Variants in FRMD6 observed in about 807,000 individuals in gnomAD.
FRMD6 encodes the protein FERM domain containing 6.
In FRMD6, 37 loss-of-function variants were observed where a neutral mutation model predicts 73.2. That is an observed-to-expected ratio of 0.51 (90% CI 0.39 to 0.66). The LOEUF (loss-of-function observed/expected upper bound fraction) is 0.66, where lower values mean the gene tolerates loss of function less well. Among genes scored for constraint, FRMD6 ranks in the 30% least tolerant of loss-of-function variants. The probability of loss-of-function intolerance (pLI) is 0.00; values close to 1 mark genes in which losing one functional copy is unlikely to be tolerated. For missense variants in FRMD6, 714 were observed against 780.5 expected (o/e 0.91, Z 1.02); for synonymous variants, 273 against 282.2 (o/e 0.97, Z 0.33).
chr14:51,487,886 A>G (rs1838103566), upstream of FRMD6, among the ~76,000 whole-genome samples: 1 of 152,306 alleles, frequency 6.6e-6, no homozygotes, highest in South Asian at 2.1e-4. Context: ...GTAGGAAGAA[A>G]TTCATATTAG....
At chr14:51,459,722 G>A in the FRMD6 span, among the ~76,000 whole-genome samples, 1 of 150,392 alleles carries the variant, frequency 6.6e-6, no homozygotes, top group Admixed American at 6.6e-5. Flanking sequence ...AGCTGCTCGG[G>A]AGGCTGAGGC....
the FRMD6 span, among the ~76,000 whole-genome samples, chr14:51,432,584 A>G: frequency 6.6e-6 from 1 of 152,116 alleles, no homozygotes; most frequent in Admixed American, 6.6e-5. Flanking sequence ...TTAATTGTTA[A>G]CTTTGTGATT....
Position 51,550,586 on chromosome 14 carries a change from C to CT in FRMD6, c.-209-19762_-209-19761insT, listed in dbSNP as rs781577627. Among the ~76,000 whole-genome samples the CT allele has an allele frequency of 9.8e-3, 1,479 of 151,054 alleles. 10 individuals carry two copies. The highest frequency in any genetic ancestry group is 0.027 in the Admixed American group (406 of 15,208). ...GAGGGCAGCTTGGGAGGAGACCCCC[C>CT]CGCCATGCTTATAGCTTGAATGGAT... is the stretch of plus-strand genomic sequence containing the variant. On this transcript the variant is annotated intron_variant, in intron 1 of 14. Coordinates refer to the FRMD6 transcript ENST00000356218.
intron 1 of FRMD6, among the ~76,000 whole-genome samples, chr14:51,668,721 C>T (rs1466439358): frequency 1.3e-5 from 2 of 152,066 alleles, no homozygotes; most frequent in Admixed American, 6.6e-5. Flanking sequence ...GGCTAGAGTG[C>T]AGTGCCATAG....
Position 51,709,859 on chromosome 14 carries a change from C to T in FRMD6, c.714+1626C>T, listed in dbSNP as rs75121497. 4.2e-3 allele frequency among the ~76,000 whole-genome samples: 638 copies of T among 152,206 alleles called. 1 individual carries two copies. Among genetic ancestry groups the T allele is most frequent in the African/African-American group, 0.014 (602 of 41,534 alleles). ...CAATTAGAAACCCTATGTCACTACT[C>T]GCTATAGCTGGGATCCTAGGCAACT... On this transcript the variant is annotated intron_variant, in intron 7 of 13. Coordinates refer to ENST00000344768, the MANE Select transcript of FRMD6 (RefSeq NM_001267046.2).
intron 1 of FRMD6, among the ~76,000 whole-genome samples, chr14:51,543,543 C>T (rs1255044001): frequency 6.6e-6 from 1 of 151,946 alleles, no homozygotes; most frequent in Non-Finnish European, 1.5e-5. Context: ...ATTTATTGAG[C>T]ATCTACCACA....
At chr14:51,468,922 G>T in the FRMD6 span, among the ~76,000 whole-genome samples, 10 of 151,958 alleles carry the variant, frequency 6.6e-5, no homozygotes, top group Admixed American at 1.3e-4. Flanking sequence ...ATTACATTTG[G>T]TTTTTTTGTT....
Position 51,510,848 on chromosome 14 carries a change from A to T in FRMD6, c.-210+21428A>T, listed in dbSNP as rs1234724656. 3.5e-4 allele frequency among the ~76,000 whole-genome samples: 53 copies of T among 152,144 alleles called. 1 individual carries two copies. Among genetic ancestry groups the T allele is most frequent in the Admixed American group, 3.5e-3 (53 of 15,266 alleles). On this transcript the variant is annotated intron_variant, in intron 1 of 14. Transcript: ENST00000356218. ...GGCCTTTGCAGCAACAATGCGTGTG[A>T]TGTAGTTTTATCCACTTAATTGTTT...
chr14:51,555,932 G>A (rs150209405), intron 1 of FRMD6, among the ~76,000 whole-genome samples: 1 of 152,180 alleles, frequency 6.6e-6, no homozygotes, highest in African/African-American at 2.4e-5. Flanking sequence ...AAATTCTTTG[G>A]ATGATTTGTT....
intron 1 of FRMD6, among the ~76,000 whole-genome samples, chr14:51,687,033 G>A (rs912055843): frequency 3.3e-5 from 5 of 152,028 alleles, no homozygotes; most frequent in South Asian, 2.1e-4. Context: ...GTGCTGCTTC[G>A]TATCGACTCT....
At chr14:51,469,230 C>T in the FRMD6 span, among the ~76,000 whole-genome samples, 1 of 151,252 alleles carries the variant, frequency 6.6e-6, no homozygotes, top group African/African-American at 2.4e-5. Context: ...TGAGCCACTG[C>T]GCCCAGCCTA....
At chr14:51,690,548 G>C (rs1325130260) in intron 2 of FRMD6, among the ~76,000 whole-genome samples, 1 of 152,132 alleles carries the variant, frequency 6.6e-6, no homozygotes, top group Admixed American at 6.6e-5. Context: ...ACCACGCCCG[G>C]CTAATTTTTT....
At chr14:51,602,979 A>C (rs922195639) in intron 2 of FRMD6, among the ~76,000 whole-genome samples, 1 of 152,220 alleles carries the variant, frequency 6.6e-6, no homozygotes, top group Admixed American at 6.5e-5. Context: ...CTCAAAATTC[A>C]TGTGTTGAAA....
chr14:51,522,121 C>T (rs1481718135), intron 1 of FRMD6, among the ~76,000 whole-genome samples: 1 of 152,128 alleles, frequency 6.6e-6, no homozygotes, highest in Non-Finnish European at 1.5e-5. Flanking sequence ...CTTAATTTAG[C>T]TGCTCCTTAG....
intron 1 of FRMD6, among the ~76,000 whole-genome samples, chr14:51,556,573 A>G (rs1017122015): frequency 6.6e-6 from 1 of 152,162 alleles, no homozygotes. Context: ...ATGCATTTAG[A>G]TGGAGTCCCT....
At chr14:51,576,473 C>G (rs1254335931) in intron 2 of FRMD6, among the ~76,000 whole-genome samples, 2 of 152,124 alleles carry the variant, frequency 1.3e-5, no homozygotes. Flanking sequence ...CTCGGGCATG[C>G]CTATCTCATC....
the FRMD6 span, among the ~76,000 whole-genome samples, chr14:51,475,861 C>A: frequency 6.6e-6 from 1 of 152,058 alleles, no homozygotes; most frequent in Non-Finnish European, 1.5e-5. Context: ...ATGCTGAGGT[C>A]CACAGAGAAT....
At chr14:51,465,922 C>A in the FRMD6 span, among the ~76,000 whole-genome samples, 22 of 152,122 alleles carry the variant, frequency 1.4e-4, no homozygotes, top group African/African-American at 5.3e-4. Flanking sequence ...CTTCTACCAG[C>A]AGTACATGAG....
At chr14:51,396,636 T>A in the FRMD6 span, among the ~76,000 whole-genome samples, 1 of 152,194 alleles carries the variant, frequency 6.6e-6, no homozygotes, top group East Asian at 1.9e-4. Context: ...GTGAAGGCAG[T>A]ACTTACACTC....
Sources: gnomAD v4.1 joint callset for allele counts (sites outside exome capture counted in the v4.1 genomes callset) on GRCh38, gnomAD v4.1.1 for gene constraint, MANE v1.5 for transcripts, NCBI Gene and HGNC (gene_info 2026-07-23, HGNC 2026-07-21) for gene names.